Variants in PPP3CB observed in about 807,000 individuals in gnomAD.
PPP3CB encodes the protein protein phosphatase 3 catalytic subunit beta, also known as serine/threonine-protein phosphatase 2B catalytic subunit beta isoform.
In PPP3CB, 8 loss-of-function variants were observed where a neutral mutation model predicts 66.4. The ratio of observed to expected loss-of-function variants is 0.12; its 90% CI spans 0.07 to 0.22. The LOEUF (loss-of-function observed/expected upper bound fraction) is 0.22. Among genes scored for constraint, PPP3CB ranks in the 10% least tolerant of loss-of-function variants. PPP3CB has a pLI of 1.00. For missense variants in PPP3CB, 319 were observed against 642.5 expected (o/e 0.50, Z 5.44); for synonymous variants, 208 against 221.2 (o/e 0.94, Z 0.53).
intron 1 of PPP3CB, among the ~76,000 whole-genome samples, chr10:73,494,331 G>A (rs372729668): frequency 4.6e-5 from 7 of 152,202 alleles, no homozygotes; most frequent in African/African-American, 1.7e-4. Flanking sequence ...CTGTCGTCCA[G>A]GTTGGAGCAC....
chr10:73,479,496 T>C lies in PPP3CB; in HGVS notation c.107A>G (p.His36Arg). Residue 36 changes from histidine (H) to arginine (R), a missense_variant, in exon 2 of 14, where the codon CAT becomes CGT. Around this residue, in one of 5 missense-constraint regions of PPP3CB, gnomAD observed 104 missense variants for 128.4 expected, o/e 0.81. Transcript: ENST00000360663. Reference protein sequence around the residue: ...VVKAVPFPPTHRLTSEEVFDL... With the variant: ...VVKAVPFPPTRRLTSEEVFDL... ...AAATACTTCTTCAGATGTCAAGCGA[T>C]GTGTTGGGGGGAAAGGGACAGCTGC... 1 of 1,614,028 alleles carries C rather than the reference T, an allele frequency of 6.2e-7. No individual in the cohort carries two copies. Among genetic ancestry groups the C allele is most frequent in the East Asian group, 2.2e-5 (1 of 44,852 alleles).
chr10:73,487,408 C>G (rs752551577), intron 1 of PPP3CB, among the ~76,000 whole-genome samples: 1 of 151,310 alleles, frequency 6.6e-6, no homozygotes, highest in Non-Finnish European at 1.5e-5. Flanking sequence ...ATTAGCGGGG[C>G]GTGGTGGCAG....
At chr10:73,473,498 T>C (rs568589549) in intron 4 of PPP3CB, among the ~76,000 whole-genome samples, 2 of 152,024 alleles carry the variant, frequency 1.3e-5, no homozygotes, top group South Asian at 4.2e-4. Flanking sequence ...CTACCAAAAA[T>C]ACAAAAATTA....
rs901005661 is a variant in PPP3CB at position 73,444,613 on chromosome 10, C to T, written c.1366+112G>A. The T allele has an allele frequency of 7.7e-6, 12 of 1,557,940 alleles. No individual in the cohort carries two copies. The African/African-American group carries it at 1.6e-4, about 21-fold the overall frequency. On this transcript the variant is annotated intron_variant, in intron 12 of 13. Coordinates refer to ENST00000360663, the MANE Select transcript of PPP3CB (RefSeq NM_021132.4). ...ACCCTGTCTAGGTCAGCTGCTGAGA[C>T]AGGAACTAAAAAACAGAAGGAATTC...
intron 10 of PPP3CB, among the ~76,000 whole-genome samples, chr10:73,452,613 T>C (rs925694149): frequency 4.6e-5 from 7 of 151,834 alleles, no homozygotes; most frequent in Admixed American, 3.3e-4. Flanking sequence ...GGAGAATTGC[T>C]TGAACCAGGG....
chr10:73,490,525 G>A (rs2057055225), intron 1 of PPP3CB, among the ~76,000 whole-genome samples: 1 of 152,152 alleles, frequency 6.6e-6, no homozygotes, highest in Non-Finnish European at 1.5e-5. Flanking sequence ...TCATCTCTGT[G>A]TATAAAAAAC....
chr10:73,482,686 C>T (rs1416989675), intron 1 of PPP3CB, among the ~76,000 whole-genome samples: 3 of 151,238 alleles, frequency 2.0e-5, no homozygotes, highest in Non-Finnish European at 4.4e-5. Context: ...GGCGAGATCT[C>T]GGCTCACTAC....
intron 1 of PPP3CB, among the ~76,000 whole-genome samples, chr10:73,492,899 T>C (rs2057101045): frequency 6.6e-6 from 1 of 152,200 alleles, no homozygotes; most frequent in African/African-American, 2.4e-5. Flanking sequence ...GAAAGACCTA[T>C]ACACCCTTAA....
chr10:73,490,318 T>C (rs200174323), intron 1 of PPP3CB, among the ~76,000 whole-genome samples: 1 of 152,200 alleles, frequency 6.6e-6, no homozygotes, highest in East Asian at 1.9e-4. Flanking sequence ...CCTGTCCTTA[T>C]GTCATATATT....
chr10:73,475,615 T>C (rs1404444560), intron 3 of PPP3CB, among the ~76,000 whole-genome samples: 2 of 152,244 alleles, frequency 1.3e-5, no homozygotes, highest in African/African-American at 4.8e-5. Flanking sequence ...AGGTCCATGT[T>C]TTATGTTTGT....
At chr10:73,444,852 A>T (rs1218681890) in intron 11 of PPP3CB, 30 bp from the exon 12 acceptor site, 2 of 1,605,546 alleles carry the variant, frequency 1.2e-6, no homozygotes, top group African/African-American at 2.7e-5. Context: ...CAAATATCAG[A>T]TACTTCCAAC....
intron 12 of PPP3CB, 21 bp downstream of exon 12, chr10:73,444,704 C>CA (rs2056218421): frequency 3.1e-6 from 5 of 1,614,054 alleles, no homozygotes; most frequent in Non-Finnish European, 4.2e-6. Context: ...TGAGGCACAG[C>CA]AAGTTGCATA....
intron 10 of PPP3CB, chr10:73,448,678 T>C: frequency 3.7e-6 from 2 of 533,412 alleles, no homozygotes; most frequent in South Asian, 1.4e-5. Context: ...TTTATTGCCA[T>C]ATATGAGCCG....
intron 1 of PPP3CB, among the ~76,000 whole-genome samples, chr10:73,484,383 G>C (rs906717542): frequency 1.3e-5 from 2 of 151,626 alleles, no homozygotes; most frequent in Non-Finnish European, 2.9e-5. Context: ...CCATTCTCCT[G>C]CCTCAGCCTC....
At chr10:73,480,446 T>C (rs1022195626) in intron 1 of PPP3CB, among the ~76,000 whole-genome samples, 1 of 149,670 alleles carries the variant, frequency 6.7e-6, no homozygotes, top group African/African-American at 2.5e-5. Flanking sequence ...TGTAATTTTT[T>C]TTTTTTTTTT....
At chr10:73,477,173 G>A (rs768523628) in intron 3 of PPP3CB, 12 of 518,730 alleles carry the variant, frequency 2.3e-5, no homozygotes, top group Non-Finnish European at 4.6e-5. Flanking sequence ...TAATATTATT[G>A]TGAGGATTAA....
intron 1 of PPP3CB, among the ~76,000 whole-genome samples, chr10:73,481,081 G>T (rs192515846): frequency 6.6e-6 from 1 of 151,694 alleles, no homozygotes; most frequent in Admixed American, 6.6e-5. Flanking sequence ...TCAAAATAAA[G>T]AAAGTGAGAG....
chr10:73,494,442 CATG>C (rs1209755296), intron 1 of PPP3CB, among the ~76,000 whole-genome samples: 3 of 152,050 alleles, frequency 2.0e-5, no homozygotes, highest in Non-Finnish European at 4.4e-5. Context: ...GGCGCGCCAC[CATG>C]CCCGGCTAAT....
intron 1 of PPP3CB, among the ~76,000 whole-genome samples, chr10:73,489,578 C>T (rs1016084735): frequency 6.6e-6 from 1 of 152,034 alleles, no homozygotes; most frequent in African/African-American, 2.4e-5. Flanking sequence ...AAAATTAAGG[C>T]TTGGAGATGT....
Sources: allele counts gnomAD v4.1 joint callset (sites outside exome capture counted in the v4.1 genomes callset), GRCh38; gene constraint gnomAD v4.1.1; regional missense constraint gnomAD v4.1.1; transcripts MANE v1.5; gene names NCBI Gene and HGNC (gene_info 2026-07-23, HGNC 2026-07-21).